The following FAM98B variants were observed in gnomAD, a reference collection of about 807,000 sequenced individuals.
The protein encoded by FAM98B is tRNA splicing ligase complex subunit 3B, also known as tRNA-splicing ligase complex subunit FAM98B.
FAM98B carries 32 observed loss-of-function variants against 43.9 expected under a neutral mutation model. The ratio of observed to expected loss-of-function variants is 0.73; its 90% CI spans 0.55 to 0.98. The LOEUF is 0.98. FAM98B is among the 50% of genes least tolerant of loss of function. FAM98B has a pLI of 0.00. For missense variants in FAM98B, 514 were observed against 522.9 expected, an observed-to-expected ratio of 0.98 and a Z score of 0.17; for synonymous variants, 190 against 174.0, an observed-to-expected ratio of 1.09 and a Z score of -0.72.
chr15:38,456,578 C>G (rs1402967386), intron 1 of FAM98B, among the ~76,000 whole-genome samples: 1 of 151,890 alleles, frequency 6.6e-6, no homozygotes, highest in Non-Finnish European at 1.5e-5. Context: ...GACATGATCA[C>G]AAAAACAATT....
chr15:38,465,611 A>G (rs1049282626), intron 3 of FAM98B, among the ~76,000 whole-genome samples: 1 of 152,200 alleles, frequency 6.6e-6, no homozygotes, highest in African/African-American at 2.4e-5. Context: ...TATTTGGCCA[A>G]TATAGAATGT....
In FAM98B at chr15:38,486,892, A is replaced by G. The variant is rs889439340; in HGVS notation, c.*2233A>G. 5.9e-5 allele frequency: 9 copies of G among 152,260 alleles called. No individual in the cohort carries two copies. The highest frequency in any genetic ancestry group is 3.9e-4 in the East Asian group (2 of 5,190). 9.4% of individuals were successfully genotyped at this position (152,260 alleles called of 1,614,324 possible). ...GAAAATGTTTTATAAATTGAGTGCAATACGACATGGAGTATGATGAATGGC... is the reference window on the plus strand; with the variant it reads ...GAAAATGTTTTATAAATTGAGTGCAGTACGACATGGAGTATGATGAATGGC... On this transcript the variant is annotated 3_prime_UTR_variant, in exon 8 of 8. Transcript: ENST00000397609.
intron 3 of FAM98B, 118 bp downstream of exon 3, chr15:38,465,521 C>T (rs1890016584): frequency 1.1e-6 from 1 of 920,524 alleles, no homozygotes; most frequent in African/African-American, 1.7e-5. Context: ...TAATATTTTA[C>T]TTAAAATACA....
At chr15:38,471,422 TG>T (rs1890129305) in intron 4 of FAM98B, among the ~76,000 whole-genome samples, 1 of 152,116 alleles carries the variant, frequency 6.6e-6, no homozygotes, top group African/African-American at 2.4e-5. Context: ...AAGACTGATC[TG>T]GGGTTGGCTA....
chr15:38,465,457 T>C, intron 3 of FAM98B, 54 bp downstream of exon 3: 3 of 1,471,258 alleles, frequency 2.0e-6, no homozygotes, highest in Middle Eastern at 1.8e-4. Context: ...TTTATTATTT[T>C]CAAGTCAAGA....
At chr15:38,476,476 T>C (rs1890202165) in intron 6 of FAM98B, among the ~76,000 whole-genome samples, 1 of 152,118 alleles carries the variant, frequency 6.6e-6, no homozygotes, top group South Asian at 2.1e-4. Flanking sequence ...TTTAGTCAGA[T>C]ATTAAACATT....
At chr15:38,469,875 T>C (rs1890096875) in intron 3 of FAM98B, among the ~76,000 whole-genome samples, 2 of 152,124 alleles carry the variant, frequency 1.3e-5, no homozygotes, top group African/African-American at 2.4e-5. Flanking sequence ...TGGGGGCCTG[T>C]ATCTTTGCCT....
intron 3 of FAM98B, among the ~76,000 whole-genome samples, chr15:38,468,373 C>A (rs1890072316): frequency 6.6e-6 from 1 of 152,070 alleles, no homozygotes; most frequent in African/African-American, 2.4e-5. Flanking sequence ...TACAGGCGTA[C>A]ACCACCATGC....
At chr15:38,476,667 G>T (rs1410272330) in intron 6 of FAM98B, among the ~76,000 whole-genome samples, 1 of 145,108 alleles carries the variant, frequency 6.9e-6, no homozygotes, top group Non-Finnish European at 1.5e-5. Context: ...AATATATTTT[G>T]GTATGCTATC....
chr15:38,478,580 C>T (rs1890240147), intron 6 of FAM98B, among the ~76,000 whole-genome samples: 1 of 152,088 alleles, frequency 6.6e-6, no homozygotes, highest in Non-Finnish European at 1.5e-5. Context: ...CATATATATA[C>T]TGTATTCATA....
intron 1 of FAM98B, among the ~76,000 whole-genome samples, chr15:38,461,055 A>G (rs1428417138): frequency 1.3e-5 from 2 of 152,158 alleles, no homozygotes; most frequent in African/African-American, 4.8e-5. Context: ...GAGCTAAGGC[A>G]TTAAAGATTG....
At chr15:38,464,329 T>G in intron 2 of FAM98B, 152 bp downstream of exon 2, 1 of 686,202 alleles carries the variant, frequency 1.5e-6, no homozygotes, top group Non-Finnish European at 2.2e-6. Context: ...TTGGATTAAA[T>G]TTTATATTAA....
At position 38,484,431 on chromosome 15, in the gene FAM98B, C is replaced by T; in HGVS notation, c.1074C>T (p.Gly358=). 8 of 352,334 alleles carry T rather than the reference C, an allele frequency of 2.3e-5. No individual in the cohort carries two copies. Among genetic ancestry groups the T allele is most frequent in the Non-Finnish European group, 2.9e-5 (8 of 272,818 alleles). The allele number at this position is 352,334 out of a possible 1,614,324, so 21.8% of individuals were successfully genotyped here. Reference sequence around the variant, plus strand: ...GTGGGGGTGGGGGTGGGAGAGGTGGCTGGGGGGGTGGAGGAGGAGGTTGGG... The same window carrying T: ...GTGGGGGTGGGGGTGGGAGAGGTGGTTGGGGGGGTGGAGGAGGAGGTTGGG... ...GGGGGGGGRG[G]WGGGGGGWGG... Residue 358 remains glycine, a synonymous_variant, in exon 8 of 8, where the codon GGC becomes GGT. Coordinates refer to ENST00000397609, the MANE Select transcript of FAM98B (RefSeq NM_173611.4).
intron 6 of FAM98B, among the ~76,000 whole-genome samples, chr15:38,474,746 C>T (rs1317374629): frequency 1.3e-5 from 2 of 152,098 alleles, no homozygotes; most frequent in African/African-American, 4.8e-5. Context: ...TGAATCTCTT[C>T]AGATAGCTTT....
rs770466954 is a variant in FAM98B, at chr15:38,454,168, G to C, written c.7G>C (p.Gly3Arg). ...AGCTCTGGGCCAAAGGACCATGAGA[G>C]GGCCGGAGCCGGGTCCCCAACCGAC... MR[G>R]PEPGPQPTME... Residue 3 changes from glycine to arginine, a missense_variant, in exon 1 of 8, where the codon GGG (glycine) becomes CGG (arginine). Around this residue, in one of 2 missense-constraint regions of FAM98B, gnomAD observed 469 missense variants for 451.8 expected, o/e 1.04. Coordinates refer to ENST00000397609, the MANE Select transcript of FAM98B (RefSeq NM_173611.4). 4 of 1,598,146 alleles carry C rather than the reference G, an allele frequency of 2.5e-6. No homozygotes were observed. Among genetic ancestry groups the C allele is most frequent in the Non-Finnish European group, 3.4e-6 (4 of 1,173,872 alleles).
chr15:38,479,771 G>A (rs1222067703), intron 6 of FAM98B, among the ~76,000 whole-genome samples: 1 of 152,008 alleles, frequency 6.6e-6, no homozygotes, highest in African/African-American at 2.4e-5. Flanking sequence ...TGTGTCAAAG[G>A]TTTTGTCTCT....
At chr15:38,455,620 A>T (rs975528241) in intron 1 of FAM98B, among the ~76,000 whole-genome samples, 1 of 152,232 alleles carries the variant, frequency 6.6e-6, no homozygotes, top group South Asian at 2.1e-4. Flanking sequence ...TAACTTGGTT[A>T]AGAAGGAACC....
At chr15:38,479,440 A>G (rs1487073658) in intron 6 of FAM98B, among the ~76,000 whole-genome samples, 1 of 152,176 alleles carries the variant, frequency 6.6e-6, no homozygotes, top group Non-Finnish European at 1.5e-5. Context: ...TTACTATAAT[A>G]TACTTTACAT....
intron 6 of FAM98B, among the ~76,000 whole-genome samples, chr15:38,477,562 A>C (rs1179064677): frequency 6.6e-6 from 1 of 152,212 alleles, no homozygotes; most frequent in Non-Finnish European, 1.5e-5. Context: ...CCTGACAGAT[A>C]CAGAAAAGTG....
Sources: allele counts gnomAD v4.1 joint callset (sites outside exome capture counted in the v4.1 genomes callset), GRCh38; gene constraint gnomAD v4.1.1; regional missense constraint gnomAD v4.1.1; transcripts MANE v1.5; gene names NCBI Gene and HGNC (gene_info 2026-07-23, HGNC 2026-07-21).